Variants in CLTCL1 observed in about 807,000 individuals in gnomAD.
CLTCL1 encodes the protein clathrin heavy chain like 1.
Under a neutral mutation model 190.0 loss-of-function variants are expected in CLTCL1, and 159 were observed. The observed-to-expected ratio is 0.84, with a 90% CI of 0.74 to 0.95. CLTCL1 has a LOEUF of 0.95. CLTCL1 is among the 40% of genes least tolerant of loss of function. The pLI, the probability that CLTCL1 is intolerant of heterozygous loss-of-function variation, is 0.00. For missense variants in CLTCL1, 1,878 were observed against 2,033.4 expected (o/e 0.92, Z 1.47); for synonymous variants, 752 against 769.6 (o/e 0.98, Z 0.38).
At chr22:19,239,813 T>C (rs782448782) in intron 4 of CLTCL1, among the ~76,000 whole-genome samples, 8 of 152,182 alleles carry the variant, frequency 5.3e-5, no homozygotes, top group East Asian at 1.9e-4. Context: ...ATCCTCACCA[T>C]GGCACAGGCC....
intron 7 of CLTCL1, among the ~76,000 whole-genome samples, 172 bp downstream of exon 7, chr22:19,234,337 T>G (rs1174610366): frequency 6.6e-6 from 1 of 152,198 alleles, no homozygotes. Context: ...AGTGTGTTTT[T>G]TGTTTACTTC....
intron 2 of CLTCL1, among the ~76,000 whole-genome samples, chr22:19,259,719 C>T (rs994971654): frequency 2.6e-5 from 4 of 152,164 alleles, no homozygotes; most frequent in African/African-American, 7.2e-5. Context: ...TTCAGGCCTC[C>T]TTATTCCCTG....
At chr22:19,215,302 C>T (rs549749771) in intron 19 of CLTCL1, among the ~76,000 whole-genome samples, 32 of 152,232 alleles carry the variant, frequency 2.1e-4, no homozygotes, top group Non-Finnish European at 3.8e-4. Context: ...TATAATACTA[C>T]AGCCCTTGAT....
intron 4 of CLTCL1, among the ~76,000 whole-genome samples, chr22:19,241,009 G>A (rs2061510397): frequency 6.6e-6 from 1 of 152,198 alleles, no homozygotes; most frequent in Admixed American, 6.5e-5. Context: ...CAGGCGGGGC[G>A]GGCACCCTCC....
Position 19,196,664 on chromosome 22 carries a change from A to C in CLTCL1, c.3874-8T>G. On this transcript the variant is annotated splice_region_variant and splice_polypyrimidine_tract_variant and intron_variant, in intron 24 of 32. Coordinates refer to ENST00000427926, the MANE Select transcript of CLTCL1 (RefSeq NM_007098.4). ...CTCAAAGTAGCCACGATCCTAGCAG[A>C]CCAACAGCCACGCGTGGGGCAGAGT... 6.2e-7 allele frequency: 1 copy of C among 1,609,978 alleles called. No individual in the cohort carries two copies. The highest frequency in any genetic ancestry group is 8.5e-7 in the Non-Finnish European group (1 of 1,177,870).
In CLTCL1 at chr22:19,229,927, A is replaced by G; in HGVS notation, c.1693T>C (p.Phe565Leu). The G allele has an allele frequency of 6.2e-7, 1 of 1,611,900 alleles. No homozygotes were observed. Among genetic ancestry groups the G allele is most frequent in the South Asian group, 1.1e-5 (1 of 90,444 alleles). Residue 565 changes from phenylalanine to leucine, a missense_variant, in exon 11 of 33, where the codon TTC becomes CTC. Coordinates refer to ENST00000427926, the MANE Select transcript of CLTCL1 (RefSeq NM_007098.4). ...TTATTCTTCAAGGCATCCAATAAGA[A>G]GGAAGTACACTGCTGAATTAAACTG... is the stretch of plus-strand genomic sequence containing the variant. The part of the protein sequence containing the change: ...ENSLIQQCTS[F>L]LLDALKNNRP...
intron 3 of CLTCL1, among the ~76,000 whole-genome samples, chr22:19,251,362 G>GT (rs1212446102): frequency 6.6e-6 from 1 of 152,126 alleles, no homozygotes. Context: ...AGTTCTAATA[G>GT]TTTTTTACTA....
intron 22 of CLTCL1, among the ~76,000 whole-genome samples, chr22:19,202,561 T>TCCCGCACCA (rs1211386546): frequency 1.5e-4 from 16 of 108,484 alleles, no homozygotes; most frequent in African/African-American, 5.3e-4. Flanking sequence ...CCATGGCACC[T>TCCCGCACCA]CCCCTCCTTC....
chr22:19,255,883 C>A (rs1232998919), intron 2 of CLTCL1, among the ~76,000 whole-genome samples: 2 of 149,324 alleles, frequency 1.3e-5, no homozygotes, highest in Non-Finnish European at 3.0e-5. Flanking sequence ...GCACTCTAGC[C>A]TGACCGACAG....
chr22:19,184,106 CATT>C (rs1437265816), intron 29 of CLTCL1: 2 of 251,486 alleles, frequency 8.0e-6, no homozygotes, highest in Non-Finnish European at 1.6e-5. Context: ...AAGACAATAT[CATT>C]GACAAAATAA....
intron 23 of CLTCL1, among the ~76,000 whole-genome samples, chr22:19,200,781 G>A (rs1050851982): frequency 2.6e-5 from 4 of 152,234 alleles, no homozygotes. Flanking sequence ...GGCAGAGCTT[G>A]CAGTGAGCCG....
intron 2 of CLTCL1, among the ~76,000 whole-genome samples, chr22:19,265,987 C>G (rs531888453): frequency 6.6e-6 from 1 of 152,318 alleles, no homozygotes; most frequent in Non-Finnish European, 1.5e-5. Context: ...GATCCTCAAG[C>G]CTCAGACTTC....
At chr22:19,252,982 C>T (rs1215731561) in intron 3 of CLTCL1, among the ~76,000 whole-genome samples, 2 of 147,582 alleles carry the variant, frequency 1.4e-5, no homozygotes, top group Non-Finnish European at 3.0e-5. Flanking sequence ...CCACTGCACT[C>T]CAGCTTGGGT....
intron 30 of CLTCL1, 53 bp from the exon 31 acceptor site, chr22:19,180,859 C>T: frequency 6.5e-7 from 1 of 1,542,140 alleles, no homozygotes; most frequent in East Asian, 2.2e-5. Flanking sequence ...GCAGTCCGGC[C>T]TCTAGGTGAA....
chr22:19,285,804 G>A (rs950148582), intron 1 of CLTCL1, among the ~76,000 whole-genome samples: 3 of 152,130 alleles, frequency 2.0e-5, no homozygotes, highest in African/African-American at 7.2e-5. Context: ...GGGGTGACAG[G>A]GTGCCAGCAA....
chr22:19,225,555 T>A lies in CLTCL1; in HGVS notation c.2026A>T (p.Arg676Ter). Residue 676 changes from arginine (R) to a stop codon, truncating the protein, a stop_gained, in exon 13 of 33, where the codon AGA becomes TGA. Coordinates refer to ENST00000427926, the MANE Select transcript of CLTCL1 (RefSeq NM_007098.4). LOFTEE classifies it high-confidence loss of function. ...CLHAMLSANI[R>*]QNLQLCVQVA... ...TGCACACACAGCTGAAGGTTCTGTCTGATGTTAGCAGACAGCATGGCATGC... is the reference window on the plus strand; with the variant it reads ...TGCACACACAGCTGAAGGTTCTGTCAGATGTTAGCAGACAGCATGGCATGC... 1 of 1,588,468 alleles carries A rather than the reference T, an allele frequency of 6.3e-7. No homozygotes were observed. Among genetic ancestry groups the A allele is most frequent in the Non-Finnish European group, 8.6e-7 (1 of 1,167,196 alleles).
chr22:19,230,092 CCCTT>C lies in CLTCL1; in HGVS notation c.1645-121_1645-118del, dbSNP rs1461219430. 7.2e-3 allele frequency: 4,538 copies of C among 633,756 alleles called. 189 individuals are homozygous for C. In the African/African-American group the frequency reaches 0.094, roughly 13 times the overall value. 39.3% of individuals were successfully genotyped at this position (633,756 alleles called of 1,614,324 possible). Reference sequence around the variant, plus strand: ...TTAGAAATTCAGCAATTAGTTCCCTCCCTTGGTTTTTTTTTTTTTTTTGAGATGG... The same window carrying C: ...TTAGAAATTCAGCAATTAGTTCCCTCGGTTTTTTTTTTTTTTTTGAGATGG... On this transcript the variant is annotated intron_variant, in intron 10 of 32. Coordinates refer to ENST00000427926, the MANE Select transcript of CLTCL1 (RefSeq NM_007098.4).
At chr22:19,197,304 TC>T (rs1360938843) in intron 24 of CLTCL1, among the ~76,000 whole-genome samples, 2 of 151,904 alleles carry the variant, frequency 1.3e-5, no homozygotes, top group Non-Finnish European at 2.9e-5. Flanking sequence ...CTGTGCCCCC[TC>T]CACTCTCAGA....
rs782552927 is a variant in CLTCL1, at chr22:19,216,206, G to T, written c.2970C>A (p.Val990=). 5 of 1,613,940 alleles carry T rather than the reference G, an allele frequency of 3.1e-6. No individual in the cohort carries two copies. In the Admixed American group the frequency reaches 8.3e-5, roughly 27 times the overall value. Reference sequence around the variant, plus strand: ...CGGCTGTCATAAAGGCTTTGACAGTGACCGAAATCTCTTCAGGATCCCGTG... The same window carrying T: ...CGGCTGTCATAAAGGCTTTGACAGTTACCGAAATCTCTTCAGGATCCCGTG... The part of the protein sequence containing the change: ...SETRDPEEIS[V]TVKAFMTADL... The change falls in exon 19 of 33, where the codon GTC becomes GTA. Residue 990 remains valine (V), a synonymous_variant. Transcript: ENST00000427926.
Sources: gnomAD v4.1 joint callset for allele counts (sites outside exome capture counted in the v4.1 genomes callset) on GRCh38, gnomAD v4.1.1 for gene constraint, MANE v1.5 for transcripts, NCBI Gene and HGNC (gene_info 2026-07-23, HGNC 2026-07-21) for gene names.